Variants in GABRG3 observed in about 807,000 individuals in gnomAD.
GABRG3 encodes gamma-aminobutyric acid type A receptor subunit gamma3.
A neutral mutation model predicts 48.8 loss-of-function variants in GABRG3; 25 were observed. The ratio of observed to expected loss-of-function variants is 0.51; its 90% CI spans 0.37 to 0.72. The LOEUF is 0.72. Ranked by LOEUF, GABRG3 falls within the 30% of genes least tolerant of loss-of-function variation. The pLI is 0.00. For synonymous variants in GABRG3, 227 were observed against 217.6 expected, an observed-to-expected ratio of 1.04 and a Z score of -0.38; for missense variants, 394 against 577.9, an observed-to-expected ratio of 0.68 and a Z score of 3.26.
intron 5 of GABRG3, among the ~76,000 whole-genome samples, chr15:27,388,122 A>G (rs1896027115): frequency 1.1e-5 from 1 of 90,092 alleles, no homozygotes; most frequent in African/African-American, 6.1e-5. Flanking sequence ...AGAAGGAAGG[A>G]AGGAAAGGAG....
intron 5 of GABRG3, among the ~76,000 whole-genome samples, chr15:27,393,283 G>T (rs1320126855): frequency 6.6e-6 from 1 of 150,794 alleles, no homozygotes; most frequent in African/African-American, 2.4e-5. Flanking sequence ...GGTGGAGCTT[G>T]CAGTGAGCTG....
chr15:27,229,714 T>C (rs576044909), intron 3 of GABRG3, among the ~76,000 whole-genome samples: 1 of 152,204 alleles, frequency 6.6e-6, no homozygotes, highest in South Asian at 2.1e-4. Flanking sequence ...TGACCTCAGG[T>C]GATCTGCCCG....
intron 3 of GABRG3, among the ~76,000 whole-genome samples, chr15:27,230,000 T>G (rs917105712): frequency 6.6e-6 from 1 of 152,236 alleles, no homozygotes; most frequent in Admixed American, 6.5e-5. Context: ...AGTATGGACA[T>G]TTTAATATTG....
chr15:27,392,852 C>T (rs1158060965), intron 5 of GABRG3, among the ~76,000 whole-genome samples: 1 of 152,192 alleles, frequency 6.6e-6, no homozygotes, highest in Non-Finnish European at 1.5e-5. Context: ...ATTGCTCCAG[C>T]GTTGGCCATT....
chr15:26,979,738 T>C (rs1352440502), intron 2 of GABRG3, among the ~76,000 whole-genome samples: 1 of 152,222 alleles, frequency 6.6e-6, no homozygotes, highest in African/African-American at 2.4e-5. Flanking sequence ...GTCATGGTGT[T>C]TAATAATACC....
intron 3 of GABRG3, among the ~76,000 whole-genome samples, chr15:27,292,677 AAAT>A (rs1315278016): frequency 6.6e-6 from 1 of 152,142 alleles, no homozygotes; most frequent in Non-Finnish European, 1.5e-5. Context: ...ACAAAACAAA[AAAT>A]AATAATAATT....
chr15:27,196,302 C>T (rs968609738), intron 3 of GABRG3, among the ~76,000 whole-genome samples: 14 of 152,178 alleles, frequency 9.2e-5, no homozygotes, highest in Admixed American at 1.3e-4. Context: ...CCTTGCTCCC[C>T]TGCTCCCCTC....
chr15:27,005,028 A>G (rs936360824), intron 2 of GABRG3, among the ~76,000 whole-genome samples: 22 of 152,312 alleles, frequency 1.4e-4, no homozygotes, highest in African/African-American at 4.8e-4. Context: ...CCGGGTGGTC[A>G]TGCAAAGATA....
chr15:27,028,067 A>G (rs1305338239), intron 3 of GABRG3, among the ~76,000 whole-genome samples: 1 of 152,154 alleles, frequency 6.6e-6, no homozygotes, highest in Non-Finnish European at 1.5e-5. Flanking sequence ...TTAACTTTAG[A>G]ATTTACTTTG....
rs1379705506 is a variant in GABRG3 at position 27,180,747 on chromosome 15, C to G, written c.271-146062C>G. 6.6e-6 allele frequency among the ~76,000 whole-genome samples: 1 copy of G among 152,188 alleles called. No homozygotes were observed. Among genetic ancestry groups the G allele is most frequent in the African/African-American group, 2.4e-5 (1 of 41,442 alleles). Reference sequence around the variant, plus strand: ...TCTTTAATTATTTTACTAATTTCTACTTGATACCTCCTGGCCCTAAATCCA... The same window carrying G: ...TCTTTAATTATTTTACTAATTTCTAGTTGATACCTCCTGGCCCTAAATCCA... On this transcript the variant is annotated intron_variant, in intron 3 of 9. Coordinates refer to ENST00000615808, the MANE Select transcript of GABRG3 (RefSeq NM_033223.5). This position sits in a 1 kb window ranked among gnomAD's most constrained non-coding sequence, Gnocchi z 4.2.
At chr15:27,434,369 AAACGTTT>A (rs1321439340) in intron 5 of GABRG3, among the ~76,000 whole-genome samples, 1 of 152,230 alleles carries the variant, frequency 6.6e-6, no homozygotes, top group East Asian at 1.9e-4. Flanking sequence ...AGAGCAAAAG[AAACGTTT>A]AACTTACACA....
At chr15:27,379,989 T>C (rs1006330665) in intron 5 of GABRG3, among the ~76,000 whole-genome samples, 3 of 58,976 alleles carry the variant, frequency 5.1e-5, no homozygotes, top group Non-Finnish European at 9.6e-5. Context: ...TTTCCTATCT[T>C]TTTTTTTTTT....
chr15:27,356,479 T>G (rs1410276517), intron 5 of GABRG3, among the ~76,000 whole-genome samples: 2 of 152,186 alleles, frequency 1.3e-5, no homozygotes, highest in Admixed American at 6.5e-5. Flanking sequence ...GCTCTTCTCT[T>G]CAGACTAATC....
intron 2 of GABRG3, among the ~76,000 whole-genome samples, chr15:27,021,101 A>G (rs942307519): frequency 4.6e-5 from 7 of 152,358 alleles, no homozygotes; most frequent in African/African-American, 1.4e-4. Flanking sequence ...GGATATTCCA[A>G]TGACACTGAT....
intron 2 of GABRG3, among the ~76,000 whole-genome samples, chr15:27,024,740 C>T (rs189447863): frequency 6.6e-6 from 1 of 152,278 alleles, no homozygotes; most frequent in East Asian, 1.9e-4. Context: ...AAAAGAGCAT[C>T]TACTGGCCGG....
At chr15:27,446,336 C>G (rs375038819) in intron 5 of GABRG3, among the ~76,000 whole-genome samples, 2 of 152,074 alleles carry the variant, frequency 1.3e-5, no homozygotes, top group African/African-American at 4.8e-5. Flanking sequence ...GTAGGACATT[C>G]GTGTGCTTCT....
intron 5 of GABRG3, among the ~76,000 whole-genome samples, chr15:27,429,556 A>T (rs754176063): frequency 2.6e-5 from 4 of 152,190 alleles, no homozygotes; most frequent in African/African-American, 9.7e-5. Context: ...CCTAAAAATA[A>T]GCCCAGTATA....
At chr15:27,380,211 G>A (rs1228011882) in intron 5 of GABRG3, among the ~76,000 whole-genome samples, 1 of 151,992 alleles carries the variant, frequency 6.6e-6, no homozygotes, top group East Asian at 1.9e-4. Flanking sequence ...CAGTATTTTT[G>A]ACCACTAGCC....
chr15:27,451,878 A>G (rs1400548119), intron 5 of GABRG3, among the ~76,000 whole-genome samples: 1 of 152,222 alleles, frequency 6.6e-6, no homozygotes, highest in Non-Finnish European at 1.5e-5. Flanking sequence ...AACTTGACTG[A>G]TGGAGAAAAT....
Sources: allele counts gnomAD v4.1 joint callset (sites outside exome capture counted in the v4.1 genomes callset), GRCh38; gene constraint gnomAD v4.1.1; non-coding constraint Gnocchi (gnomAD v3.1); transcripts MANE v1.5; gene names NCBI Gene and HGNC (gene_info 2026-07-23, HGNC 2026-07-21).